Variants in JPH3 observed in about 807,000 individuals in gnomAD.
JPH3 encodes the protein junctophilin 3.
In JPH3, 11 loss-of-function variants were observed where a neutral mutation model predicts 59.6. That is an observed-to-expected ratio of 0.18 (90% CI 0.12 to 0.31). The LOEUF is 0.31. Ranked by LOEUF, JPH3 falls within the 10% of genes least tolerant of loss-of-function variation. The probability of loss-of-function intolerance (pLI) is 1.00; values close to 1 mark genes in which losing one functional copy is unlikely to be tolerated. For synonymous variants in JPH3, 673 were observed against 483.6 expected (o/e 1.39, Z -5.14); for missense variants, 1,202 against 1,105.7 (o/e 1.09, Z -1.24).
At chr16:87,691,520 A>G (rs2033573292) in intron 4 of JPH3, among the ~76,000 whole-genome samples, 2 of 151,996 alleles carry the variant, frequency 1.3e-5, no homozygotes, top group South Asian at 4.1e-4. Context: ...GACCATTGGT[A>G]GGTTTATTGT....
chr16:87,662,981 C>T (rs989442721), intron 2 of JPH3, among the ~76,000 whole-genome samples: 3 of 152,210 alleles, frequency 2.0e-5, no homozygotes, highest in Admixed American at 1.3e-4. Flanking sequence ...TAATCTCAGC[C>T]GTCACATGCT....
At chr16:87,602,312 A>G (rs1597227307), upstream of JPH3, 1 of 128,224 alleles carries the variant, frequency 7.8e-6, no homozygotes, top group African/African-American at 2.9e-5. Context: ...CAGGGCGGGG[A>G]GCGCGGGGCT....
intron 1 of JPH3, among the ~76,000 whole-genome samples, chr16:87,638,241 A>C (rs1021666516): frequency 1.3e-5 from 2 of 152,146 alleles, no homozygotes; most frequent in Non-Finnish European, 2.9e-5. Flanking sequence ...TTTAATTTTT[A>C]ATGAGATGGG....
chr16:87,641,171 G>C (rs2150842719), intron 1 of JPH3, among the ~76,000 whole-genome samples: 1 of 152,308 alleles, frequency 6.6e-6, no homozygotes, highest in East Asian at 1.9e-4. Context: ...TGACACTCTG[G>C]AAAGGTGTGC....
intron 1 of JPH3, among the ~76,000 whole-genome samples, chr16:87,637,270 C>T (rs1011731843): frequency 3.3e-5 from 5 of 152,154 alleles, no homozygotes; most frequent in African/African-American, 1.2e-4. Flanking sequence ...TTCTGATCAT[C>T]AGCTCTATCA....
At chr16:87,649,076 G>A (rs181693398) in intron 2 of JPH3, among the ~76,000 whole-genome samples, 1 of 152,342 alleles carries the variant, frequency 6.6e-6, no homozygotes, top group East Asian at 1.9e-4. Context: ...GACGAGGGAG[G>A]GGTGAAGCTG....
chr16:87,617,695 T>C (rs547916548), intron 1 of JPH3, among the ~76,000 whole-genome samples: 1 of 151,934 alleles, frequency 6.6e-6, no homozygotes, highest in African/African-American at 2.4e-5. Context: ...GGTGGTCCTG[T>C]CTTTGAGGGA....
chr16:87,670,649 C>T (rs558789303), intron 2 of JPH3, among the ~76,000 whole-genome samples: 14 of 152,362 alleles, frequency 9.2e-5, no homozygotes, highest in South Asian at 2.1e-4. Flanking sequence ...GCGGATGGGA[C>T]GCAGGGTACC....
intron 2 of JPH3, among the ~76,000 whole-genome samples, chr16:87,677,441 A>G (rs914845899): frequency 6.6e-6 from 1 of 152,186 alleles, no homozygotes; most frequent in Non-Finnish European, 1.5e-5. Flanking sequence ...CTCGCCCACC[A>G]GGTACCCATC....
At chr16:87,652,084 C>A (rs1333337233) in intron 2 of JPH3, among the ~76,000 whole-genome samples, 1 of 152,128 alleles carries the variant, frequency 6.6e-6, no homozygotes, top group Admixed American at 6.5e-5. Context: ...ACGCCATTCT[C>A]CTGCCTCAGC....
chr16:87,680,724 A>C (rs1461903263), intron 2 of JPH3, among the ~76,000 whole-genome samples: 1 of 152,216 alleles, frequency 6.6e-6, no homozygotes, highest in East Asian at 1.9e-4. Flanking sequence ...TGCCAGGCCG[A>C]GACCTGGTGT....
intron 4 of JPH3, among the ~76,000 whole-genome samples, chr16:87,691,089 C>A (rs536683710): frequency 1.7e-4 from 25 of 150,906 alleles, no homozygotes; most frequent in African/African-American, 4.7e-4. Flanking sequence ...ACCCAGCACC[C>A]CCCCCCCAAA....
Position 87,689,649 on chromosome 16 carries a change from T to C in JPH3, c.1289T>C (p.Leu430Pro), listed in dbSNP as rs763636204. Residue 430 changes from leucine (L) to proline (P), a missense_variant, in exon 4 of 5, where the codon CTG becomes CCG. Leu to Pro is a moderately conservative substitution (Grantham distance 98, BLOSUM62 -3). Coordinates refer to ENST00000284262, the MANE Select transcript of JPH3 (RefSeq NM_020655.4). ...GTCGTCTTGTGTCCCCATACAGGGC[T>C]GGAGTACCAGAGGCCGAAGCGTCAG... Reference protein sequence around the residue: ...SPSFQHRENGLEYQRPKRQTS... With the variant: ...SPSFQHRENGPEYQRPKRQTS... The C allele has an allele frequency of 7.4e-6, 12 of 1,611,520 alleles. No homozygotes were observed. In the African/African-American group the frequency reaches 1.6e-4, roughly 22 times the overall value.
intron 1 of JPH3, among the ~76,000 whole-genome samples, chr16:87,606,149 C>T (rs2030511946): frequency 6.6e-6 from 1 of 152,178 alleles, no homozygotes; most frequent in Admixed American, 6.5e-5. Flanking sequence ...GCCTCCTTCC[C>T]AGTCAACTGG....
intron 2 of JPH3, among the ~76,000 whole-genome samples, chr16:87,670,471 G>A (rs907709679): frequency 1.4e-4 from 22 of 152,206 alleles, no homozygotes; most frequent in African/African-American, 4.8e-4. Context: ...CAGGATCCAA[G>A]CAGTGGACTG....
chr16:87,680,603 TG>T (rs1276741264), intron 2 of JPH3, among the ~76,000 whole-genome samples: 1 of 152,092 alleles, frequency 6.6e-6, no homozygotes, highest in Non-Finnish European at 1.5e-5. Context: ...GGTGCAGGGG[TG>T]GGGGGCCCCA....
rs1435248581 is a variant in JPH3 at position 87,656,034 on chromosome 16, T to C, written c.1160+10999T>C. Among the ~76,000 whole-genome samples, 6 of 152,316 alleles carry C rather than the reference T, an allele frequency of 3.9e-5. No homozygotes were observed. The East Asian group carries it at 1.2e-3, about 29-fold the overall frequency. The stretch of plus-strand genomic sequence containing the variant: ...AGTGGAGCCTCGATAGTGGGTCTCT[T>C]GGGGGATTATTGGCAAGCTGCACCC... On this transcript the variant is annotated intron_variant, in intron 2 of 4. Transcript: ENST00000284262.
intron 2 of JPH3, among the ~76,000 whole-genome samples, chr16:87,670,166 G>A (rs965941378): frequency 3.9e-5 from 6 of 152,178 alleles, no homozygotes; most frequent in African/African-American, 9.7e-5. Flanking sequence ...TGCACCGGCC[G>A]ATGTGGGCAA....
intron 4 of JPH3, chr16:87,694,248 G>GC (rs1270078147): frequency 6.6e-6 from 1 of 152,284 alleles, no homozygotes; most frequent in East Asian, 1.9e-4. Flanking sequence ...GGTTCTGAGT[G>GC]CCCCATGCAA....
Sources: allele counts gnomAD v4.1 joint callset (sites outside exome capture counted in the v4.1 genomes callset), GRCh38; gene constraint gnomAD v4.1.1; transcripts MANE v1.5; gene names NCBI Gene and HGNC (gene_info 2026-07-23, HGNC 2026-07-21).